The following SERPINA9 variants were observed in gnomAD, a reference collection of about 807,000 sequenced individuals.
The protein encoded by SERPINA9 is serpin A9.
In SERPINA9, 32 loss-of-function variants were observed where a neutral mutation model predicts 24.5. The ratio of observed to expected loss-of-function variants is 1.30; its 90% confidence interval spans 0.98 to 1.75. The LOEUF is 1.75. Among genes scored for constraint, SERPINA9 ranks in the 40% most tolerant of loss-of-function variants. The probability of loss-of-function intolerance (pLI) is 0.00; values close to 1 mark genes in which losing one functional copy is unlikely to be tolerated. For synonymous variants in SERPINA9, 233 were observed against 197.7 expected (o/e 1.18, Z -1.50); for missense variants, 594 against 497.1 (o/e 1.19, Z -1.85).
intron 1 of SERPINA9, chr14:94,475,811 A>C (rs1899602826): frequency 2.3e-6 from 1 of 438,072 alleles, no homozygotes; most frequent in African/African-American, 2.0e-5. Context: ...CACAACAACA[A>C]AAACACTCCT....
chr14:94,466,219 G>C (rs777686083), intron 3 of SERPINA9, among the ~76,000 whole-genome samples: 2 of 152,144 alleles, frequency 1.3e-5, no homozygotes, highest in Non-Finnish European at 2.9e-5. Context: ...GTTTTTGCCA[G>C]TGCTGTGTCC....
chr14:94,464,319 C>CCCTCTCTCTCT (rs1898890141), intron 4 of SERPINA9: 1 of 213,110 alleles, frequency 4.7e-6, no homozygotes, highest in African/African-American at 2.4e-5. Context: ...CTCTCTCTCT[C>CCCTCTCTCTCT]CTTACACACT....
chr14:94,467,832 G>A (rs530835773), intron 2 of SERPINA9, among the ~76,000 whole-genome samples: 4 of 151,860 alleles, frequency 2.6e-5, no homozygotes, highest in East Asian at 3.9e-4. Context: ...TGGATGAACC[G>A]ATAGAGGGAT....
rs1899177251 is a variant in SERPINA9 at position 94,469,315 on chromosome 14, T to C, written c.526A>G (p.Asn176Asp). ...TGGGTCTTCTTTTTCACATGGCTGT[T>C]GATCCTCGCCTGGGCAATGGAGGGG... The part of the protein sequence containing the change: ...SNPSIAQARI[N>D]SHVKKKTQGK... Residue 176 changes from asparagine (N) to aspartate (D), a missense_variant, in exon 2 of 5, where the codon AAC becomes GAC. Transcript: ENST00000674397. 6.2e-7 allele frequency: 1 copy of C among 1,614,260 alleles called. No homozygotes were observed. The highest frequency in any genetic ancestry group is 8.5e-7 in the Non-Finnish European group (1 of 1,180,040).
chr14:94,469,174 TA>T, intron 2 of SERPINA9, 38 bp downstream of exon 2: 1 of 1,558,364 alleles, frequency 6.4e-7, no homozygotes, highest in Non-Finnish European at 8.7e-7. Flanking sequence ...ATCATCATCA[TA>T]AAATAAATAA....
At chr14:94,468,924 G>A (rs1283230485) in intron 2 of SERPINA9, among the ~76,000 whole-genome samples, 1 of 152,188 alleles carries the variant, frequency 6.6e-6, no homozygotes, top group Non-Finnish European at 1.5e-5. Flanking sequence ...TTTCTCTCAA[G>A]TAGTCTCCAG....
chr14:94,469,188 A>T lies in SERPINA9; in HGVS notation c.628+25T>A, dbSNP rs763935458. 16 of 1,579,808 alleles carry T rather than the reference A, an allele frequency of 1.0e-5. No homozygotes were observed. The African/African-American group carries it at 2.1e-4, about 20-fold the overall frequency. On this transcript the variant is annotated intron_variant, in intron 2 of 4. Transcript: ENST00000674397. ...CATCATCATCATAAAATAAATAAATAAAAATCAACTTCTCAAATCCTTACC... is the reference window on the plus strand; with the variant it reads ...CATCATCATCATAAAATAAATAAATTAAAATCAACTTCTCAAATCCTTACC...
chr14:94,466,217 C>T (rs1214910096), intron 3 of SERPINA9, among the ~76,000 whole-genome samples: 1 of 152,176 alleles, frequency 6.6e-6, no homozygotes, highest in African/African-American at 2.4e-5. Flanking sequence ...GAGTTTTTGC[C>T]AGTGCTGTGT....
At chr14:94,465,011 C>T (rs80248649) in intron 3 of SERPINA9, among the ~76,000 whole-genome samples, 157 bp from the exon 4 acceptor site, 1 of 152,312 alleles carries the variant, frequency 6.6e-6, no homozygotes, top group East Asian at 1.9e-4. Flanking sequence ...CCAGGTTGCT[C>T]TTGAAATAAG....
In SERPINA9 at chr14:94,463,237, G is replaced by T. The variant is rs1898828283; in HGVS notation, c.1110C>A (p.Thr370=). ...SEEGTEATAA[T]TTKFIVRSKD... ...TCGATCGGACTATGAACTTGGTGGT[G>T]GTAGCTGCTGTGGCCTCAGTGCCCT... The change falls in exon 5 of 5, where the codon ACC becomes ACA. Residue 370 remains threonine (T), a synonymous_variant. Coordinates refer to ENST00000674397, the MANE Select transcript of SERPINA9 (RefSeq NM_175739.4). 2 of 1,614,098 alleles carry T rather than the reference G, an allele frequency of 1.2e-6. No homozygotes were observed. The highest frequency in any genetic ancestry group is 2.2e-5 in the South Asian group (2 of 91,084).
At chr14:94,470,485 A>G (rs1357434594) in intron 1 of SERPINA9, among the ~76,000 whole-genome samples, 4 of 152,218 alleles carry the variant, frequency 2.6e-5, no homozygotes, top group African/African-American at 9.6e-5. Context: ...CTTCCCCTTC[A>G]AGCCTCAGCT....
chr14:94,467,465 T>C lies in SERPINA9; in HGVS notation c.629-83A>G, dbSNP rs903487500. The C allele has an allele frequency of 1.5e-5, 19 of 1,298,450 alleles. No homozygotes were observed. The African/African-American group carries it at 2.2e-4, about 15-fold the overall frequency. 80.4% of individuals were successfully genotyped at this position (1,298,450 alleles called of 1,614,324 possible). A position where few individuals can be genotyped will look rare whatever the true frequency, so the allele number is the denominator to read the frequency against. On this transcript the variant is annotated intron_variant, in intron 2 of 4. Transcript: ENST00000674397. ...CAGCAAACTGAAATGGGGAATTACTTCTAGTGGGTATGAGGTTTCTTTTTG... is the reference window on the plus strand; with the variant it reads ...CAGCAAACTGAAATGGGGAATTACTCCTAGTGGGTATGAGGTTTCTTTTTG...
intron 1 of SERPINA9, chr14:94,470,227 A>C: frequency 2.0e-6 from 2 of 1,006,606 alleles, no homozygotes; most frequent in Non-Finnish European, 2.4e-6. Flanking sequence ...AGATTGCATT[A>C]GCAGCCAGAA....
intron 4 of SERPINA9, chr14:94,464,365 C>G (rs1473216983): frequency 8.1e-6 from 3 of 369,370 alleles, no homozygotes; most frequent in Non-Finnish European, 1.4e-5. Flanking sequence ...GTGCAGATGA[C>G]CTATGGGCAG....
intron 3 of SERPINA9, among the ~76,000 whole-genome samples, chr14:94,466,457 CA>C (rs1030393746): frequency 7.2e-5 from 11 of 152,196 alleles, no homozygotes; most frequent in Non-Finnish European, 1.6e-4. Context: ...AGACTATGAG[CA>C]CCAGGGAACG....
intron 1 of SERPINA9, chr14:94,475,789 A>T: frequency 2.6e-6 from 1 of 386,570 alleles, no homozygotes; most frequent in Non-Finnish European, 4.7e-6. Context: ...AAGACAAAGA[A>T]ACCAACAACG....
intron 1 of SERPINA9, chr14:94,475,775 CGT>C: frequency 2.9e-6 from 1 of 350,716 alleles, no homozygotes. Context: ...AAGTCTTGCT[CGT>C]TAAGACAAAG....
chr14:94,464,150 T>C (rs1026370782), intron 4 of SERPINA9, among the ~76,000 whole-genome samples: 3 of 152,226 alleles, frequency 2.0e-5, no homozygotes, highest in Non-Finnish European at 4.4e-5. Context: ...TCAGCTCCTG[T>C]GATGGCTGCC....
intron 1 of SERPINA9, among the ~76,000 whole-genome samples, chr14:94,474,449 C>T (rs1313221076): frequency 6.6e-6 from 1 of 152,178 alleles, no homozygotes; most frequent in African/African-American, 2.4e-5. Context: ...CACAAGACTT[C>T]AGGAAGAGGT....
Sources: gnomAD v4.1 joint callset for allele counts (sites outside exome capture counted in the v4.1 genomes callset) on GRCh38, gnomAD v4.1.1 for gene constraint, MANE v1.5 for transcripts, NCBI Gene and HGNC (gene_info 2026-07-23, HGNC 2026-07-21) for gene names.